HPSE2: variants seen among roughly 807,000 people sequenced by gnomAD.
HPSE2 encodes inactive heparanase-2.
A neutral mutation model predicts 60.5 loss-of-function variants in HPSE2; 38 were observed. That is an observed-to-expected ratio of 0.63 (90% CI 0.48 to 0.82). The LOEUF (loss-of-function observed/expected upper bound fraction) is 0.82, where lower values mean the gene tolerates loss of function less well. Among genes scored for constraint, HPSE2 ranks in the 40% least tolerant of loss-of-function variants. HPSE2 has a pLI of 0.00. For missense variants in HPSE2, 713 were observed against 740.4 expected (o/e 0.96, Z 0.43); for synonymous variants, 295 against 293.2 (o/e 1.01, Z -0.06).
chr10:98,671,038 T>G lies in HPSE2; in HGVS notation c.1004+22862A>C, dbSNP rs118142617. 7.3e-3 allele frequency among the ~76,000 whole-genome samples: 1,114 copies of G among 152,276 alleles called. 4 individuals are homozygous for G. The highest frequency in any genetic ancestry group is 0.012 in the Non-Finnish European group (816 of 68,022). On this transcript the variant is annotated intron_variant, in intron 6 of 11. Transcript: ENST00000370552. ...AGAATCGTGTTGGTGTTAAAAAAAT[T>G]TTGGATTTTGGTGCATTTCAGATTT...
intron 9 of HPSE2, among the ~76,000 whole-genome samples, chr10:98,601,440 G>A (rs1945423133): frequency 6.6e-6 from 1 of 152,182 alleles, no homozygotes; most frequent in Admixed American, 6.5e-5. Flanking sequence ...CATACTCAGT[G>A]TAAATCTGAG....
rs553499164 is a variant in HPSE2, at chr10:98,874,590, A to C, written c.611-130534T>G. Among the ~76,000 whole-genome samples the C allele has an allele frequency of 3.3e-5, 5 of 152,122 alleles. No homozygotes were observed. The South Asian group carries it at 1.0e-3, about 32-fold the overall frequency. The stretch of plus-strand genomic sequence containing the variant: ...ATTTGACTTCCTCTCTTCCTTTCTG[A>C]ATACTCTTTATTTCTTTCTTTTGCC... On this transcript the variant is annotated intron_variant, in intron 3 of 11. Coordinates refer to ENST00000370552, the MANE Select transcript of HPSE2 (RefSeq NM_021828.5).
intron 3 of HPSE2, among the ~76,000 whole-genome samples, chr10:98,852,513 C>T (rs1012321777): frequency 6.6e-6 from 1 of 152,108 alleles, no homozygotes; most frequent in African/African-American, 2.4e-5. Context: ...CTTAAGACTC[C>T]CAATTCAAAA....
chr10:99,087,837 G>C (rs1299300184), intron 3 of HPSE2, among the ~76,000 whole-genome samples: 1 of 152,084 alleles, frequency 6.6e-6, no homozygotes, highest in Non-Finnish European at 1.5e-5. Context: ...CAATACAGAA[G>C]AGTACTTTTA....
At chr10:99,015,655 C>T (rs1480874848) in intron 3 of HPSE2, among the ~76,000 whole-genome samples, 1 of 151,114 alleles carries the variant, frequency 6.6e-6, no homozygotes, top group Non-Finnish European at 1.5e-5. Flanking sequence ...ACATCAAACA[C>T]CGGGGCCTGT....
intron 3 of HPSE2, among the ~76,000 whole-genome samples, chr10:99,102,802 A>T (rs1844065225): frequency 6.6e-6 from 1 of 152,166 alleles, no homozygotes; most frequent in Admixed American, 6.6e-5. Flanking sequence ...GTGGGCTTCA[A>T]CCCTGGGATA....
At chr10:99,288,574 G>A in the HPSE2 span, among the ~76,000 whole-genome samples, 1 of 151,820 alleles carries the variant, frequency 6.6e-6, no homozygotes, top group East Asian at 1.9e-4. Context: ...ATGAAATGAG[G>A]AAAAATACAT....
chr10:98,582,668 C>T (rs12217271), intron 9 of HPSE2, among the ~76,000 whole-genome samples: 1 of 152,148 alleles, frequency 6.6e-6, no homozygotes, highest in Non-Finnish European at 1.5e-5. Flanking sequence ...AGTCAGTTAA[C>T]GTATTCTTTT....
the HPSE2 span, among the ~76,000 whole-genome samples, chr10:99,252,749 C>T: frequency 2.6e-5 from 4 of 150,960 alleles, no homozygotes; most frequent in South Asian, 2.1e-4. Flanking sequence ...TGGTGGCGGG[C>T]GCCTGTAGTC....
intron 11 of HPSE2, among the ~76,000 whole-genome samples, chr10:98,461,424 G>T (rs1055039873): frequency 2.6e-5 from 4 of 152,204 alleles, no homozygotes; most frequent in Non-Finnish European, 5.9e-5. Flanking sequence ...AGATCTGAAG[G>T]TCAGTGTTGA....
At chr10:99,186,155 A>ACACACACACACAC (rs1294707362) in intron 2 of HPSE2, among the ~76,000 whole-genome samples, 4 of 45,978 alleles carry the variant, frequency 8.7e-5, no homozygotes, top group Admixed American at 4.2e-4. Context: ...CACACACACA[A>ACACACACACACAC]GGCATATCAT....
chr10:98,640,212 T>A (rs1432746445), intron 7 of HPSE2, among the ~76,000 whole-genome samples: 1 of 152,238 alleles, frequency 6.6e-6, no homozygotes, highest in Non-Finnish European at 1.5e-5. Context: ...CCACTTTGTA[T>A]CCCCAGCATC....
intron 9 of HPSE2, among the ~76,000 whole-genome samples, chr10:98,559,324 G>A (rs191440552): frequency 1.3e-5 from 2 of 152,224 alleles, no homozygotes; most frequent in East Asian, 1.9e-4. Flanking sequence ...CGCTGCACCC[G>A]GTCTTGTCTA....
At chr10:98,485,487 T>C (rs1407285595) in intron 10 of HPSE2, among the ~76,000 whole-genome samples, 1 of 152,236 alleles carries the variant, frequency 6.6e-6, no homozygotes, top group Non-Finnish European at 1.5e-5. Context: ...ACATGTGAAC[T>C]AGCTTTTGTA....
At chr10:98,980,823 C>T (rs1008973635) in intron 3 of HPSE2, among the ~76,000 whole-genome samples, 7 of 152,168 alleles carry the variant, frequency 4.6e-5, no homozygotes, top group African/African-American at 1.7e-4. Context: ...CATAGCTCAA[C>T]TTTTAACGTT....
At chr10:98,537,236 T>C (rs185792757) in intron 9 of HPSE2, among the ~76,000 whole-genome samples, 80 of 152,250 alleles carry the variant, frequency 5.3e-4, no homozygotes, top group African/African-American at 1.7e-3. Context: ...ATGGAGATGT[T>C]GAGCTTACAT....
intron 4 of HPSE2, among the ~76,000 whole-genome samples, chr10:98,723,886 T>A (rs1948995736): frequency 6.6e-6 from 1 of 152,156 alleles, no homozygotes; most frequent in Non-Finnish European, 1.5e-5. Context: ...TAGCGGTCTA[T>A]CAATTTTGTT....
chr10:98,829,060 T>C (rs1378537965), intron 3 of HPSE2, among the ~76,000 whole-genome samples: 1 of 152,136 alleles, frequency 6.6e-6, no homozygotes, highest in African/African-American at 2.4e-5. Context: ...TTGAAGACAT[T>C]AATGTTAAGT....
chr10:99,112,480 G>A (rs1038127991), intron 3 of HPSE2, among the ~76,000 whole-genome samples: 4 of 150,874 alleles, frequency 2.7e-5, no homozygotes, highest in East Asian at 3.9e-4. Context: ...TAGTAGAGAC[G>A]GGGTTTCACC....
Sources: gnomAD v4.1 joint callset for allele counts (sites outside exome capture counted in the v4.1 genomes callset) on GRCh38, gnomAD v4.1.1 for gene constraint, MANE v1.5 for transcripts, NCBI Gene and HGNC (gene_info 2026-07-23, HGNC 2026-07-21) for gene names.